Variants in USPL1 observed in about 807,000 individuals in gnomAD.
The protein encoded by USPL1 is SUMO-specific isopeptidase USPL1.
USPL1 carries 27 observed loss-of-function variants against 51.5 expected under a neutral mutation model. The observed-to-expected ratio is 0.52, with a 90% CI of 0.39 to 0.72. The LOEUF is 0.72. USPL1 is among the 30% of genes least tolerant of loss of function. USPL1 has a pLI of 0.00. For missense variants in USPL1, 1,226 were observed against 1,268.0 expected (o/e 0.97, Z 0.50); for synonymous variants, 451 against 459.6 (o/e 0.98, Z 0.24).
intron 7 of USPL1, among the ~76,000 whole-genome samples, chr13:30,647,921 A>G (rs1429018654): frequency 1.3e-5 from 2 of 152,212 alleles, no homozygotes; most frequent in Non-Finnish European, 1.5e-5. Flanking sequence ...TCCTCCAGGT[A>G]TCTACTTTAA....
At chr13:30,653,359 G>A in intron 8 of USPL1, 54 bp downstream of exon 8, 1 of 1,461,540 alleles carries the variant, frequency 6.8e-7, no homozygotes, top group African/African-American at 1.4e-5. Flanking sequence ...CTAAATTCTA[G>A]CATGTGGGGA....
rs1950992100 is a variant in USPL1 at position 30,644,488 on chromosome 13, A to G, written c.1112+1731A>G. ...GGCCACAGAGTAGACACCATGAGCA[A>G]AGCTAACCCTCCTGAGTTGAAAAAA... On this transcript the variant is annotated intron_variant, in intron 6 of 8. Coordinates refer to ENST00000255304, the MANE Select transcript of USPL1 (RefSeq NM_005800.5). Among the ~76,000 whole-genome samples the G allele has an allele frequency of 2.0e-5, 3 of 152,070 alleles. 1 individual carries two copies. Among genetic ancestry groups the G allele is most frequent in the Admixed American group, 1.3e-4 (2 of 15,256 alleles).
intron 1 of USPL1, among the ~76,000 whole-genome samples, chr13:30,618,622 CA>C (rs889286010): frequency 9.2e-5 from 14 of 152,068 alleles, no homozygotes; most frequent in Admixed American, 3.9e-4. Flanking sequence ...TTGCGATTCC[CA>C]GGGCCACCTT....
Position 30,657,496 on chromosome 13 carries a change from C to T in USPL1, c.1419C>T (p.Asp473=), listed in dbSNP as rs772305260. The change falls in exon 9 of 9, where the codon GAC becomes GAT. Residue 473 remains aspartate (D), a synonymous_variant. Transcript: ENST00000255304. The part of the protein sequence containing the change: ...DADGSWLECD[D]LKGPCSERHK... ...CAGGAAGTTGGCTGGAATGTGATGA[C>T]TTAAAAGGCCCATGTTCTGAAAGGC... The T allele has an allele frequency of 3.7e-6, 6 of 1,600,226 alleles. No homozygotes were observed. In the East Asian group the frequency reaches 1.1e-4, roughly 30 times the overall value.
intron 4 of USPL1, among the ~76,000 whole-genome samples, chr13:30,632,948 C>T (rs1950826967): frequency 6.6e-6 from 1 of 152,168 alleles, no homozygotes; most frequent in African/African-American, 2.4e-5. Context: ...AGAATTAAAA[C>T]ATTCCCAATA....
chr13:30,622,011 T>C, intron 3 of USPL1, 119 bp downstream of exon 3: 1 of 663,736 alleles, frequency 1.5e-6, no homozygotes, highest in East Asian at 3.8e-5. Flanking sequence ...TAATATGTAA[T>C]CTCAGTTTGT....
chr13:30,641,500 ACT>A (rs1281688049), intron 5 of USPL1, among the ~76,000 whole-genome samples: 1 of 152,174 alleles, frequency 6.6e-6, no homozygotes, highest in Non-Finnish European at 1.5e-5. Flanking sequence ...GGATGGAAGG[ACT>A]CAGTCTCTTG....
At chr13:30,629,391 G>GTTGTAGGATCTC (rs1405332312) in intron 3 of USPL1, among the ~76,000 whole-genome samples, 1 of 152,148 alleles carries the variant, frequency 6.6e-6, no homozygotes, top group Non-Finnish European at 1.5e-5. Context: ...GGAGGCTAAG[G>GTTGTAGGATCTC]TTGTAGGATC....
chr13:30,621,089 C>T lies in USPL1; in HGVS notation c.-52C>T. 2 of 1,451,456 alleles carry T rather than the reference C, an allele frequency of 1.4e-6. No homozygotes were observed. Among genetic ancestry groups the T allele is most frequent in the Non-Finnish European group, 9.4e-7 (1 of 1,058,604 alleles). The allele number at this position is 1,451,456 out of a possible 1,614,324, so 89.9% of individuals were successfully genotyped here. On this transcript the variant is annotated 5_prime_UTR_variant, in exon 2 of 9. Transcript: ENST00000255304. ...TTTTTCCAGGGTTCATTGAAAAAAT[C>T]CTTAGTGATATTGACATGTCTCAAG...
At position 30,630,916 on chromosome 13, in the gene USPL1, C is replaced by T. The variant is rs902290597; in HGVS notation, c.310C>T (p.Gln104Ter). ...LEECHTPHKP[Q>*]KRKSLESSYK... ...AGAATGTCACACTCCACATAAGCCTCAGAAAAGGAAGAGCTTAGAAAGCAG... is the reference window on the plus strand; with the variant it reads ...AGAATGTCACACTCCACATAAGCCTTAGAAAAGGAAGAGCTTAGAAAGCAG... The change falls in exon 4 of 9, where the codon CAG (glutamine) becomes TAG (stop). Residue 104 changes from glutamine to a stop codon, truncating the protein, a stop_gained. Coordinates refer to ENST00000255304, the MANE Select transcript of USPL1 (RefSeq NM_005800.5). LOFTEE classifies it high-confidence loss of function. The T allele has an allele frequency of 6.2e-7, 1 of 1,614,084 alleles. No homozygotes were observed.
intron 6 of USPL1, among the ~76,000 whole-genome samples, chr13:30,645,950 C>G (rs1302952896): frequency 6.6e-6 from 1 of 152,222 alleles, no homozygotes; most frequent in African/African-American, 2.4e-5. Flanking sequence ...CTTGCTGAGA[C>G]AGTCTCCTTT....
At chr13:30,650,404 G>T (rs531459075) in intron 7 of USPL1, among the ~76,000 whole-genome samples, 30 of 151,188 alleles carry the variant, frequency 2.0e-4, no homozygotes, top group Non-Finnish European at 3.7e-4. Flanking sequence ...TGGTGAAACC[G>T]CATCTCTACT....
At chr13:30,650,757 A>C (rs1276503205) in intron 7 of USPL1, among the ~76,000 whole-genome samples, 1 of 152,112 alleles carries the variant, frequency 6.6e-6, no homozygotes, top group Non-Finnish European at 1.5e-5. Context: ...TGGGAGGCCA[A>C]GGCGGGTGGA....
chr13:30,625,477 C>T (rs1389695094), intron 3 of USPL1, among the ~76,000 whole-genome samples: 18 of 134,544 alleles, frequency 1.3e-4, no homozygotes, highest in African/African-American at 4.3e-4. Flanking sequence ...GACGGAGTCT[C>T]GCTCTGTCAC....
intron 6 of USPL1, among the ~76,000 whole-genome samples, chr13:30,643,903 C>T (rs1950982763): frequency 1.3e-5 from 2 of 151,842 alleles, no homozygotes; most frequent in Non-Finnish European, 2.9e-5. Flanking sequence ...AGCCACCATG[C>T]CTAGCCACAC....
At chr13:30,625,444 GT>G (rs926283215) in intron 3 of USPL1, among the ~76,000 whole-genome samples, 3,845 of 118,952 alleles carry the variant, frequency 0.032, 46 homozygotes, top group African/African-American at 0.099. Flanking sequence ...TTTGTTTTTT[GT>G]TTTTTTTTTT....
At position 30,643,597 on chromosome 13, in the gene USPL1, T is replaced by TCC. The variant is rs201886838; in HGVS notation, c.1112+841_1112+842dup. Among the ~76,000 whole-genome samples, 306 of 86,894 alleles carry TCC rather than the reference T, an allele frequency of 3.5e-3. 18 individuals are homozygous for TCC. The highest frequency in any genetic ancestry group is 0.017 in the African/African-American group (222 of 12,808). 57.0% of individuals were successfully genotyped at this position (86,894 alleles called of 152,430 possible). ...AATTATTACAATAGAAATAACTCTT[T>TCC]CCACCCCCCCCCGCCCTTTTTTTTT... On this transcript the variant is annotated intron_variant, in intron 6 of 8. Transcript: ENST00000255304.
intron 7 of USPL1, among the ~76,000 whole-genome samples, chr13:30,647,775 A>G (rs1369958406): frequency 6.6e-6 from 1 of 152,204 alleles, no homozygotes; most frequent in Non-Finnish European, 1.5e-5. Flanking sequence ...CGGGAACATT[A>G]ACCTTTATGC....
In USPL1 at chr13:30,657,882, A is replaced by G; in HGVS notation, c.1805A>G (p.Asn602Ser). The change falls in exon 9 of 9, where the codon AAT (asparagine) becomes AGT (serine). Residue 602 changes from asparagine (N) to serine (S), a missense_variant. Coordinates refer to ENST00000255304, the MANE Select transcript of USPL1 (RefSeq NM_005800.5). ...IQKTASVSQL[N>S]SEAFLLENKP... ...AAAACAGCCTCAGTTTCACAGTTAA[A>G]TTCTGAAGCTTTCCTGTTAGAAAAT... The G allele has an allele frequency of 6.2e-7, 1 of 1,614,054 alleles. No individual in the cohort carries two copies. The highest frequency in any genetic ancestry group is 8.5e-7 in the Non-Finnish European group (1 of 1,180,030).
Sources: allele counts gnomAD v4.1 joint callset (sites outside exome capture counted in the v4.1 genomes callset), GRCh38; gene constraint gnomAD v4.1.1; transcripts MANE v1.5; gene names NCBI Gene and HGNC (gene_info 2026-07-23, HGNC 2026-07-21).